DCAF5: variants seen among roughly 807,000 people sequenced by gnomAD.
The protein encoded by DCAF5 is DDB1 and CUL4 associated factor 5.
A neutral mutation model predicts 80.7 loss-of-function variants in DCAF5; 9 were observed. The ratio of observed to expected loss-of-function variants is 0.11; its 90% CI spans 0.07 to 0.19. The LOEUF (loss-of-function observed/expected upper bound fraction) is 0.19, where lower values mean the gene tolerates loss of function less well. Ranked by LOEUF, DCAF5 falls within the 10% of genes least tolerant of loss-of-function variation. The pLI is 1.00. For synonymous variants in DCAF5, 433 were observed against 461.9 expected, an observed-to-expected ratio of 0.94 and a Z score of 0.80; for missense variants, 842 against 1,205.7, an observed-to-expected ratio of 0.70 and a Z score of 4.47.
At chr14:69,068,525 C>G (rs1224543031) in intron 7 of DCAF5, among the ~76,000 whole-genome samples, 1 of 151,924 alleles carries the variant, frequency 6.6e-6, no homozygotes. Context: ...ATGGAGAAAC[C>G]CTGTCTCTAC....
At chr14:69,139,826 CAA>C (rs553940292) in intron 1 of DCAF5, among the ~76,000 whole-genome samples, 34 of 55,182 alleles carry the variant, frequency 6.2e-4, no homozygotes, top group Admixed American at 9.1e-4. Flanking sequence ...GACCCTGTCT[CAA>C]AAAAAAAAAA....
intron 5 of DCAF5, 27 bp from the exon 6 acceptor site, chr14:69,091,914 G>A: frequency 6.3e-7 from 1 of 1,579,656 alleles, no homozygotes; most frequent in Non-Finnish European, 8.6e-7. Flanking sequence ...ACAGGAATCA[G>A]GCATGAGATA....
At chr14:69,151,225 G>A (rs1441583124) in intron 1 of DCAF5, among the ~76,000 whole-genome samples, 4 of 152,184 alleles carry the variant, frequency 2.6e-5, no homozygotes, top group Admixed American at 2.0e-4. Context: ...TTCAGAGGAT[G>A]ATCTAGGGCC....
chr14:69,077,201 T>C (rs1463082438), intron 6 of DCAF5, among the ~76,000 whole-genome samples: 2 of 152,164 alleles, frequency 1.3e-5, no homozygotes, highest in Non-Finnish European at 2.9e-5. Context: ...GCCTACTGTT[T>C]TCCTTTTGTG....
rs1280724335 is a variant in DCAF5 at position 69,055,365 on chromosome 14, T to C, written c.1321A>G (p.Ser441Gly). Residue 441 changes from serine to glycine, a missense_variant, in exon 9 of 9, where the codon AGT becomes GGT. Transcript: ENST00000341516. This position sits in a 1 kb window ranked among gnomAD's most constrained non-coding sequence, Gnocchi z 5.6. ...CCAGCGTGCAGTTGGAGGATAGTAC[T>C]CTCACTGAGGTCACTGTCTGAGTCA... The part of the protein sequence containing the change: ...SSDSDSDLSE[S>G]TILQLHAGVS... 1 of 1,614,122 alleles carries C rather than the reference T, an allele frequency of 6.2e-7. No homozygotes were observed.
At chr14:69,148,671 G>A (rs769219471) in intron 1 of DCAF5, among the ~76,000 whole-genome samples, 1 of 152,116 alleles carries the variant, frequency 6.6e-6, no homozygotes, top group South Asian at 2.1e-4. Flanking sequence ...CTCCAGCCTG[G>A]GCGACAGAGC....
chr14:69,052,649 A>G lies in DCAF5; in HGVS notation c.*1208T>C, dbSNP rs929189300. ...GTCTTTTATGGGAACCAGAAGACTTAAGACTAATGGGAACCAGGAGTCATA... is the reference window on the plus strand; with the variant it reads ...GTCTTTTATGGGAACCAGAAGACTTGAGACTAATGGGAACCAGGAGTCATA... On this transcript the variant is annotated 3_prime_UTR_variant, in exon 9 of 9. Transcript: ENST00000341516. The G allele has an allele frequency of 6.6e-6, 1 of 152,238 alleles. No homozygotes were observed. Among genetic ancestry groups the G allele is most frequent in the Non-Finnish European group, 1.5e-5 (1 of 68,032 alleles). 9.4% of individuals were successfully genotyped at this position (152,238 alleles called of 1,614,324 possible).
At chr14:69,085,209 T>C in intron 6 of DCAF5, 1 of 717,514 alleles carries the variant, frequency 1.4e-6, no homozygotes. Context: ...CTCAAGTTGC[T>C]GTCATTGGTT....
intron 5 of DCAF5, among the ~76,000 whole-genome samples, chr14:69,108,331 T>C (rs1278485474): frequency 6.6e-6 from 1 of 152,144 alleles, no homozygotes; most frequent in Non-Finnish European, 1.5e-5. Flanking sequence ...TCTTGGTAAC[T>C]ATGACATGAA....
At position 69,145,595 on chromosome 14, in the gene DCAF5, G is replaced by T. The variant is rs61980264; in HGVS notation, c.214+7170C>A. Among the ~76,000 whole-genome samples, 1,145 of 152,044 alleles carry T rather than the reference G, an allele frequency of 7.5e-3. 7 individuals are homozygous for T. The highest frequency in any genetic ancestry group is 0.011 in the Non-Finnish European group (780 of 67,968). On this transcript the variant is annotated intron_variant, in intron 1 of 8. Transcript: ENST00000341516. ...AAAGGACAGGGAATTGAGTAGAAAA[G>T]AAATAGAATTTCATATTCCCACAAT...
chr14:69,126,735 G>A (rs1275407), intron 1 of DCAF5, among the ~76,000 whole-genome samples: 96,464 of 151,868 alleles, frequency 0.64, 31,505 homozygotes, highest in East Asian at 0.9. Flanking sequence ...CAAAACAGAG[G>A]GGCCAAAAAC....
intron 1 of DCAF5, among the ~76,000 whole-genome samples, chr14:69,148,780 T>A (rs942089738): frequency 6.6e-6 from 1 of 152,240 alleles, no homozygotes; most frequent in African/African-American, 2.4e-5. Flanking sequence ...GACCATTCAC[T>A]ACCCCCATTC....
rs184109666 is a variant in DCAF5 at position 69,128,433 on chromosome 14, G to T, written c.215-6073C>A. Among the ~76,000 whole-genome samples, 80 of 152,222 alleles carry T rather than the reference G, an allele frequency of 5.3e-4. 1 individual carries two copies. Among genetic ancestry groups the T allele is most frequent in the Non-Finnish European group, 5.9e-5 (4 of 67,986 alleles). ...ACTCCTGACTTCAAGTGATCTGCCC[G>T]CCTTGGCCTCCCAAAGTGCTGGGAT... On this transcript the variant is annotated intron_variant, in intron 1 of 8. Coordinates refer to ENST00000341516, the MANE Select transcript of DCAF5 (RefSeq NM_003861.3).
chr14:69,152,952 G>A lies in DCAF5; in HGVS notation c.27C>T (p.Gly9=), dbSNP rs1171258614. 2.2e-5 allele frequency: 35 copies of A among 1,610,420 alleles called. No homozygotes were observed. Among genetic ancestry groups the A allele is most frequent in the Non-Finnish European group, 2.8e-5 (33 of 1,179,112 alleles). ...AGAAGCCCACCACTGACCTCATGCT[G>A]CCCCCCAGGCCAGCTCTCCTCTTCA... is the stretch of plus-strand genomic sequence containing the variant. MKRRAGLG[G]SMRSVVGFLS... is the part of the protein sequence containing the mutation. The change falls in exon 1 of 9, where the codon GGC becomes GGT. Residue 9 remains glycine, a synonymous_variant. Coordinates refer to ENST00000341516, the MANE Select transcript of DCAF5 (RefSeq NM_003861.3). This position sits in a 1 kb window ranked among gnomAD's most constrained non-coding sequence, Gnocchi z 4.1.
At chr14:69,151,937 GGGA>G (rs2041718816) in intron 1 of DCAF5, among the ~76,000 whole-genome samples, 2 of 152,220 alleles carry the variant, frequency 1.3e-5, no homozygotes, top group Admixed American at 6.5e-5. Flanking sequence ...CTGGGCGAGA[GGGA>G]GGAGAAGCAG....
At chr14:69,136,238 C>T (rs1222714473) in intron 1 of DCAF5, among the ~76,000 whole-genome samples, 1 of 151,578 alleles carries the variant, frequency 6.6e-6, no homozygotes, top group Non-Finnish European at 1.5e-5. Context: ...ACCTCAGCCT[C>T]CAGAGTAGTT....
At chr14:69,072,166 T>C (rs1272418195) in intron 7 of DCAF5, among the ~76,000 whole-genome samples, 2 of 152,196 alleles carry the variant, frequency 1.3e-5, no homozygotes, top group African/African-American at 4.8e-5. Flanking sequence ...GGTAGGAGAA[T>C]GAAGATTCCT....
chr14:69,077,788 A>T (rs1282528256), intron 6 of DCAF5, among the ~76,000 whole-genome samples: 1 of 152,226 alleles, frequency 6.6e-6, no homozygotes, highest in East Asian at 1.9e-4. Flanking sequence ...ATTACTAAAT[A>T]CTGTGCAATC....
chr14:69,055,333 G>A lies in DCAF5; in HGVS notation c.1353C>T (p.Ser451=), dbSNP rs199870726. 19 of 1,614,118 alleles carry A rather than the reference G, an allele frequency of 1.2e-5. No individual in the cohort carries two copies. In the Admixed American group the frequency reaches 2.0e-4, roughly 17 times the overall value. ...STILQLHAGV[S]ERSGYTDSES... Reference sequence around the variant, plus strand: ...CTGAGTCAGTGTAGCCTGAGCGCTCGCTGACCCCAGCGTGCAGTTGGAGGA... The same window carrying A: ...CTGAGTCAGTGTAGCCTGAGCGCTCACTGACCCCAGCGTGCAGTTGGAGGA... The change falls in exon 9 of 9, where the codon AGC becomes AGT. Residue 451 remains serine, a synonymous_variant. Transcript: ENST00000341516. This position sits in a 1 kb window ranked among gnomAD's most constrained non-coding sequence, Gnocchi z 5.6.
Sources: gnomAD v4.1 joint callset for allele counts (sites outside exome capture counted in the v4.1 genomes callset) on GRCh38, gnomAD v4.1.1 for gene constraint, Gnocchi (gnomAD v3.1) non-coding constraint, MANE v1.5 for transcripts, NCBI Gene and HGNC (gene_info 2026-07-23, HGNC 2026-07-21) for gene names.